OLFM4: variants seen among roughly 807,000 people sequenced by gnomAD.
OLFM4 encodes olfactomedin-4.
Under a neutral mutation model 25.5 loss-of-function variants are expected in OLFM4, and 22 were observed. That is an observed-to-expected ratio of 0.86 (90% CI 0.62 to 1.23). The LOEUF (loss-of-function observed/expected upper bound fraction) is 1.23, where lower values mean the gene tolerates loss of function less well. Among genes scored for constraint, OLFM4 ranks in the 50% most tolerant of loss-of-function variants. OLFM4 has a pLI of 0.00. For synonymous variants in OLFM4, 255 were observed against 237.7 expected, an observed-to-expected ratio of 1.07 and a Z score of -0.67; for missense variants, 594 against 619.4, an observed-to-expected ratio of 0.96 and a Z score of 0.44.
intron 2 of OLFM4, among the ~76,000 whole-genome samples, chr13:53,035,774 GT>G (rs1243592688): frequency 1.3e-5 from 2 of 152,108 alleles, no homozygotes; most frequent in Non-Finnish European, 1.5e-5. Context: ...TCTGATTACT[GT>G]TTTTTTCTTT....
intron 3 of OLFM4, 120 bp from the exon 4 acceptor site, chr13:53,042,985 C>A: frequency 1.4e-6 from 1 of 728,690 alleles, no homozygotes; most frequent in Non-Finnish European, 2.2e-6. Flanking sequence ...TGAAACCATT[C>A]AGAAGAATCT....
chr13:53,043,909 T>C (rs1221960745), intron 4 of OLFM4, among the ~76,000 whole-genome samples: 2 of 152,144 alleles, frequency 1.3e-5, no homozygotes, highest in Non-Finnish European at 1.5e-5. Context: ...TGAATTCTCA[T>C]TGGGGTTAAG....
chr13:53,043,056 A>C, intron 3 of OLFM4, 49 bp from the exon 4 acceptor site: 1 of 1,450,026 alleles, frequency 6.9e-7, no homozygotes, highest in Non-Finnish European at 9.3e-7. Context: ...ATGTTTATGA[A>C]AGAAATTGCA....
At position 53,051,357 on chromosome 13, in the gene OLFM4, G is replaced by T. The variant is rs1301687838; in HGVS notation, c.*586G>T. 6.6e-6 allele frequency: 1 copy of T among 152,100 alleles called. No individual in the cohort carries two copies. The highest frequency in any genetic ancestry group is 1.9e-4 in the East Asian group (1 of 5,192). The allele number at this position is 152,100 out of a possible 1,614,324, so 9.4% of individuals were successfully genotyped here. A position where few individuals can be genotyped will look rare whatever the true frequency, so the allele number is the denominator to read the frequency against. ...CATCTGTAAAGTGCTGAGTTTTATGGAGAGAGGCCTTTTTATGCATTAAAT... is the reference window on the plus strand; with the variant it reads ...CATCTGTAAAGTGCTGAGTTTTATGTAGAGAGGCCTTTTTATGCATTAAAT... On this transcript the variant is annotated 3_prime_UTR_variant, in exon 5 of 5. Transcript: ENST00000219022.
chr13:53,044,660 G>T (rs1329020376), intron 4 of OLFM4, among the ~76,000 whole-genome samples: 1 of 152,092 alleles, frequency 6.6e-6, no homozygotes, highest in African/African-American at 2.4e-5. Flanking sequence ...CAGAAAGGAG[G>T]TGACATAAAT....
chr13:53,032,434 G>A (rs1472273745), intron 1 of OLFM4, among the ~76,000 whole-genome samples: 3 of 152,094 alleles, frequency 2.0e-5, no homozygotes, highest in African/African-American at 7.2e-5. Flanking sequence ...TGGCATGCTT[G>A]AGTTGGAGTC....
intron 2 of OLFM4, among the ~76,000 whole-genome samples, chr13:53,037,099 G>T (rs761193894): frequency 1.3e-5 from 2 of 152,200 alleles, no homozygotes; most frequent in Non-Finnish European, 2.9e-5. Context: ...TTATCCGGGG[G>T]CCTGGGAGAA....
Position 53,045,431 on chromosome 13 carries a change from A to T in OLFM4, c.730+2167A>T, listed in dbSNP as rs144499489. Among the ~76,000 whole-genome samples the T allele has an allele frequency of 2.0e-3, 307 of 152,180 alleles. 4 individuals carry two copies. The highest frequency in any genetic ancestry group is 7.0e-3 in the African/African-American group (290 of 41,530). On this transcript the variant is annotated intron_variant, in intron 4 of 4. Transcript: ENST00000219022. ...TATTTATGATGTTTATATTAAACTG[A>T]CTTTTGGTCATGTTTTTAAATCAAT...
At chr13:53,032,343 AT>A (rs143393987) in intron 1 of OLFM4, among the ~76,000 whole-genome samples, 80 of 150,764 alleles carry the variant, frequency 5.3e-4, no homozygotes, top group African/African-American at 1.8e-3. Flanking sequence ...GCAATGCAAG[AT>A]TTTTTTTTTG....
intron 2 of OLFM4, among the ~76,000 whole-genome samples, chr13:53,038,663 A>G (rs1954671932): frequency 6.6e-6 from 1 of 152,230 alleles, no homozygotes. Flanking sequence ...CAGAAGAAGA[A>G]AAAAATGCAG....
chr13:53,042,988 A>G (rs1216290051), intron 3 of OLFM4, 117 bp from the exon 4 acceptor site: 2 of 752,490 alleles, frequency 2.7e-6, no homozygotes, highest in Non-Finnish European at 4.2e-6. Context: ...AACCATTCAG[A>G]AGAATCTCTG....
rs780608437 is a variant in OLFM4, at chr13:53,042,093, TCAGAAATTGTTGAC to T, written c.545_558del (p.Glu182AlafsTer16). The stretch of plus-strand genomic sequence containing the variant: ...GCTGAAGGAGAGTTTTGGTGGAAGC[TCAGAAATTGTTGAC>T]CAGCTGGAGGTGGAGGTAAGGAGTG... On this transcript the variant is annotated frameshift_variant, in exon 3 of 5. Transcript: ENST00000219022. LOFTEE classifies it high-confidence loss of function. The T allele has an allele frequency of 3.2e-5, 52 of 1,613,750 alleles. No homozygotes were observed. Among genetic ancestry groups the T allele is most frequent in the Admixed American group, 1.5e-4 (9 of 59,950 alleles).
At position 53,034,309 on chromosome 13, in the gene OLFM4, C is replaced by A; in HGVS notation, c.205-39C>A. 3 of 1,599,878 alleles carry A rather than the reference C, an allele frequency of 1.9e-6. No homozygotes were observed. The South Asian group carries it at 3.4e-5, about 18-fold the overall frequency. Reference sequence around the variant, plus strand: ...ACTCCAGTTGCCAAAAGCTCAGATTCCAGCTTGTTATTGATGTTCAACTTG... The same window carrying A: ...ACTCCAGTTGCCAAAAGCTCAGATTACAGCTTGTTATTGATGTTCAACTTG... On this transcript the variant is annotated intron_variant, in intron 1 of 4. Transcript: ENST00000219022.
rs1954738399 is a variant in OLFM4, at chr13:53,050,150, A to C, written c.912A>C (p.Arg304Ser). Residue 304 changes from arginine (R) to serine (S), a missense_variant, in exon 5 of 5, where the codon AGA becomes AGC. Physicochemically the swap from Arg to Ser is moderately radical, Grantham distance 110. Transcript: ENST00000219022. ...NTDGRLLEYY[R>S]LYNTLDDLLL... ...ATGGGAGACTGTTGGAGTATTATAGACTGTACAACACACTGGATGATTTGC... is the reference window on the plus strand; with the variant it reads ...ATGGGAGACTGTTGGAGTATTATAGCCTGTACAACACACTGGATGATTTGC... 6.2e-7 allele frequency: 1 copy of C among 1,613,816 alleles called. No individual in the cohort carries two copies. The highest frequency in any genetic ancestry group is 1.3e-5 in the African/African-American group (1 of 74,830).
rs1018005058 is a variant in OLFM4, at chr13:53,050,956, C to T, written c.*185C>T. 1.7e-6 allele frequency: 1 copy of T among 575,602 alleles called. No individual in the cohort carries two copies. The highest frequency in any genetic ancestry group is 2.9e-6 in the Non-Finnish European group (1 of 339,066). 35.7% of individuals were successfully genotyped at this position (575,602 alleles called of 1,614,324 possible). A position where few individuals can be genotyped will look rare whatever the true frequency, so the allele number is the denominator to read the frequency against. On this transcript the variant is annotated 3_prime_UTR_variant, in exon 5 of 5. Transcript: ENST00000219022. ...TTTGGTGAGTTCTCTTGGGAATCAT[C>T]TGCCTCTTCAGGCGCATTTTGCAAT...
At chr13:53,044,636 C>G (rs1361766361) in intron 4 of OLFM4, among the ~76,000 whole-genome samples, 1 of 151,446 alleles carries the variant, frequency 6.6e-6, no homozygotes, top group Non-Finnish European at 1.5e-5. Flanking sequence ...AATGAAATGG[C>G]CTTTCAACTT....
chr13:53,042,643 G>C (rs1340190307), intron 3 of OLFM4, among the ~76,000 whole-genome samples: 1 of 152,122 alleles, frequency 6.6e-6, no homozygotes, highest in Non-Finnish European at 1.5e-5. Context: ...TCACATTAAC[G>C]TTATGGTTGG....
At chr13:53,036,464 G>A (rs1954659079) in intron 2 of OLFM4, among the ~76,000 whole-genome samples, 1 of 152,186 alleles carries the variant, frequency 6.6e-6, no homozygotes, top group Non-Finnish European at 1.5e-5. Context: ...GTGCTCCAGG[G>A]AGAGTATGTG....
chr13:53,031,035 T>C (rs1327929165), intron 1 of OLFM4, among the ~76,000 whole-genome samples: 1 of 152,208 alleles, frequency 6.6e-6, no homozygotes, highest in Non-Finnish European at 1.5e-5. Flanking sequence ...ACTATAATAA[T>C]AGAAAATAAA....
Sources: allele counts gnomAD v4.1 joint callset (sites outside exome capture counted in the v4.1 genomes callset), GRCh38; gene constraint gnomAD v4.1.1; transcripts MANE v1.5; gene names NCBI Gene and HGNC (gene_info 2026-07-23, HGNC 2026-07-21).